The following LRMDA variants were observed in gnomAD, a reference collection of about 807,000 sequenced individuals.
LRMDA encodes the protein leucine-rich melanocyte differentiation-associated protein.
A neutral mutation model predicts 29.8 loss-of-function variants in LRMDA; 18 were observed. The observed-to-expected ratio is 0.60, with a 90% CI of 0.42 to 0.90. LRMDA has a LOEUF of 0.90. LRMDA is among the 40% of genes least tolerant of loss of function. The pLI, the probability that LRMDA is intolerant of heterozygous loss-of-function variation, is 0.00. For missense variants in LRMDA, 273 were observed against 273.9 expected (o/e 1.00, Z 0.02); for synonymous variants, 125 against 109.4 (o/e 1.14, Z -0.89).
At chr10:75,708,549 G>A (rs568716958) in intron 2 of LRMDA, among the ~76,000 whole-genome samples, 2 of 152,238 alleles carry the variant, frequency 1.3e-5, no homozygotes, top group Non-Finnish European at 2.9e-5. Context: ...TGGAGTGCAT[G>A]GGAGGTGTGG....
intron 5 of LRMDA, among the ~76,000 whole-genome samples, chr10:76,243,217 C>T (rs1852310633): frequency 6.6e-6 from 1 of 152,046 alleles, no homozygotes; most frequent in Non-Finnish European, 1.5e-5. Flanking sequence ...TCATGATTGC[C>T]AGTGGATGAG....
Position 76,230,572 on chromosome 10 carries a change from C to A in LRMDA, c.517-93829C>A, listed in dbSNP as rs1245987225. ...AAGAGGGCAAAAAAAAAAAAAACCCCAAAAATCCCATGCATGAATAAAATA... is the reference window on the plus strand; with the variant it reads ...AAGAGGGCAAAAAAAAAAAAAACCCAAAAAATCCCATGCATGAATAAAATA... On this transcript the variant is annotated intron_variant, in intron 5 of 6. Transcript: ENST00000611255. Among the ~76,000 whole-genome samples, 16 of 150,460 alleles carry A rather than the reference C, an allele frequency of 1.1e-4. No individual in the cohort carries two copies. The East Asian group carries it at 2.9e-3, about 27-fold the overall frequency.
At chr10:75,951,934 C>G (rs1241480481) in intron 2 of LRMDA, among the ~76,000 whole-genome samples, 1 of 152,134 alleles carries the variant, frequency 6.6e-6, no homozygotes, top group Admixed American at 6.6e-5. Flanking sequence ...ACGGAGGCCA[C>G]GGTGGTGGCG....
chr10:76,282,351 G>A (rs1263007411), intron 5 of LRMDA, among the ~76,000 whole-genome samples: 1 of 152,190 alleles, frequency 6.6e-6, no homozygotes, highest in Non-Finnish European at 1.5e-5. Context: ...GATGCCGACT[G>A]TAGGAAATGA....
chr10:75,648,594 A>G (rs1841558951), intron 2 of LRMDA, among the ~76,000 whole-genome samples: 1 of 152,148 alleles, frequency 6.6e-6, no homozygotes, highest in Admixed American at 6.5e-5. Context: ...TTATCTGGCC[A>G]TCAAGCCCTA....
chr10:76,120,042 A>G (rs894018224), intron 5 of LRMDA, among the ~76,000 whole-genome samples: 2 of 152,100 alleles, frequency 1.3e-5, no homozygotes, highest in Non-Finnish European at 2.9e-5. Context: ...CTATCTTCCC[A>G]GATGCTGGAA....
At chr10:75,957,831 C>CG (rs921293316) in intron 2 of LRMDA, among the ~76,000 whole-genome samples, 2 of 151,902 alleles carry the variant, frequency 1.3e-5, no homozygotes, top group African/African-American at 4.8e-5. Context: ...ATGAGGATGA[C>CG]GAGGGCTTTG....
At chr10:75,523,445 A>G (rs75528199) in intron 2 of LRMDA, among the ~76,000 whole-genome samples, 2,905 of 152,246 alleles carry the variant, frequency 0.019, 84 homozygotes, top group African/African-American at 0.066. Flanking sequence ...CTCTGTGTGA[A>G]CTGTTCTAAT....
chr10:75,473,716 G>A (rs1049381398), intron 2 of LRMDA, among the ~76,000 whole-genome samples: 1 of 152,206 alleles, frequency 6.6e-6, no homozygotes, highest in Non-Finnish European at 1.5e-5. Flanking sequence ...ATTAAATGAG[G>A]TGATGCTTGT....
chr10:75,513,891 T>C (rs2132033520), intron 2 of LRMDA, among the ~76,000 whole-genome samples: 1 of 152,286 alleles, frequency 6.6e-6, no homozygotes, highest in Admixed American at 6.5e-5. Flanking sequence ...AATCACAGGC[T>C]TCAGGAATTA....
chr10:75,582,287 G>T lies in LRMDA; in HGVS notation c.131+143793G>T, dbSNP rs186479712. On this transcript the variant is annotated intron_variant, in intron 2 of 6. Coordinates refer to ENST00000611255, the MANE Select transcript of LRMDA (RefSeq NM_001305581.2). ...CCATGAGGGCTCCATCCCTGCAGCA[G>T]GCTTCTGCCTGGACATCCAGGCTTT... Among the ~76,000 whole-genome samples the T allele has an allele frequency of 1.3e-3, 195 of 152,338 alleles. 7 individuals are homozygous for T. The South Asian group carries it at 0.019, about 15-fold the overall frequency.
chr10:76,095,893 C>T (rs1849304613), intron 5 of LRMDA, among the ~76,000 whole-genome samples: 2 of 150,506 alleles, frequency 1.3e-5, no homozygotes, highest in South Asian at 2.1e-4. Flanking sequence ...TGCAGTGAGC[C>T]GAGATCGTGC....
chr10:75,980,527 A>G (rs867538062), intron 2 of LRMDA, among the ~76,000 whole-genome samples: 1 of 152,184 alleles, frequency 6.6e-6, no homozygotes. Context: ...CAGGGGGGCT[A>G]TAATGTTCTG....
intron 5 of LRMDA, among the ~76,000 whole-genome samples, chr10:76,187,863 T>G (rs1046601417): frequency 2.6e-5 from 4 of 151,846 alleles, no homozygotes; most frequent in Non-Finnish European, 5.9e-5. Flanking sequence ...AGGCATTCAA[T>G]TTTTTTTTAT....
intron 2 of LRMDA, among the ~76,000 whole-genome samples, chr10:76,028,907 C>G (rs947248048): frequency 7.9e-5 from 12 of 151,578 alleles, no homozygotes; most frequent in African/African-American, 2.9e-4. Context: ...ACCTCCACCT[C>G]CCAGGTTCAA....
At chr10:75,589,443 G>C (rs1254295630) in intron 2 of LRMDA, among the ~76,000 whole-genome samples, 1 of 151,796 alleles carries the variant, frequency 6.6e-6, no homozygotes, top group Non-Finnish European at 1.5e-5. Context: ...ATTTTTCTTT[G>C]GGTTTTTGTC....
intron 6 of LRMDA, among the ~76,000 whole-genome samples, chr10:76,364,539 G>T (rs1157350117): frequency 6.6e-6 from 1 of 151,930 alleles, no homozygotes; most frequent in East Asian, 1.9e-4. Flanking sequence ...TTTCCATGTT[G>T]GGGGAACCAG....
intron 2 of LRMDA, among the ~76,000 whole-genome samples, chr10:75,487,567 A>G (rs1486052836): frequency 2.0e-5 from 3 of 152,132 alleles, no homozygotes; most frequent in East Asian, 1.9e-4. Flanking sequence ...TTTAAGTACA[A>G]TCTTGGTCAC....
intron 5 of LRMDA, among the ~76,000 whole-genome samples, chr10:76,309,807 T>G (rs1840606821): frequency 6.6e-6 from 1 of 152,170 alleles, no homozygotes; most frequent in Admixed American, 6.5e-5. Context: ...TGGTATAATT[T>G]TACAACAAGC....
Sources: gnomAD v4.1 joint callset for allele counts (sites outside exome capture counted in the v4.1 genomes callset) on GRCh38, gnomAD v4.1.1 for gene constraint, MANE v1.5 for transcripts, NCBI Gene and HGNC (gene_info 2026-07-23, HGNC 2026-07-21) for gene names.